The following METTL24 variants were observed in gnomAD, a reference collection of about 807,000 sequenced individuals.
METTL24 encodes methyltransferase like 24.
Under a neutral mutation model 32.7 loss-of-function variants are expected in METTL24, and 29 were observed. The observed-to-expected ratio is 0.89, with a 90% confidence interval of 0.66 to 1.21. The LOEUF (loss-of-function observed/expected upper bound fraction) is 1.21. METTL24 is among the 50% of genes most tolerant of loss of function. The pLI is 0.00. For missense variants in METTL24, 439 were observed against 468.1 expected, an observed-to-expected ratio of 0.94 and a Z score of 0.57; for synonymous variants, 163 against 179.5, an observed-to-expected ratio of 0.91 and a Z score of 0.73.
intron 1 of METTL24, among the ~76,000 whole-genome samples, chr6:110,326,884 C>G (rs900368399): frequency 6.6e-6 from 1 of 152,116 alleles, no homozygotes; most frequent in African/African-American, 2.4e-5. Flanking sequence ...GTCAGCCTCC[C>G]GGGGTGGAGC....
At chr6:110,291,536 A>T (rs1163011465) in intron 4 of METTL24, among the ~76,000 whole-genome samples, 1 of 152,158 alleles carries the variant, frequency 6.6e-6, no homozygotes, top group East Asian at 1.9e-4. Flanking sequence ...TTCATTGCAG[A>T]TTTTTAAAAA....
chr6:110,297,658 AC>A (rs1421284154), intron 4 of METTL24, among the ~76,000 whole-genome samples: 6 of 152,204 alleles, frequency 3.9e-5, no homozygotes, highest in Admixed American at 3.9e-4. Flanking sequence ...AAAGAAAAAA[AC>A]AAAACCCTAA....
At chr6:110,298,858 C>A in intron 4 of METTL24, 64 bp downstream of exon 4, 1 of 1,439,472 alleles carries the variant, frequency 6.9e-7, no homozygotes, top group Non-Finnish European at 9.6e-7. Context: ...TCTTGGTTTG[C>A]ATTTTAAAAA....
intron 1 of METTL24, among the ~76,000 whole-genome samples, chr6:110,329,463 A>C (rs1463869379): frequency 1.4e-5 from 2 of 146,864 alleles, no homozygotes; most frequent in Non-Finnish European, 3.0e-5. Context: ...TGGGCAGGAA[A>C]CAATGACTGA....
intron 1 of METTL24, among the ~76,000 whole-genome samples, chr6:110,335,563 A>ATTTTTT (rs1562241070): frequency 2.6e-5 from 3 of 113,634 alleles, no homozygotes; most frequent in Non-Finnish European, 1.7e-5. Flanking sequence ...GTAGGGAATC[A>ATTTTTT]TTGTTTTTTT....
chr6:110,302,147 G>T (rs1220849683), intron 3 of METTL24, among the ~76,000 whole-genome samples: 1 of 151,836 alleles, frequency 6.6e-6, no homozygotes, highest in Non-Finnish European at 1.5e-5. Context: ...GCGTGGTGGT[G>T]GGCGCCTGTA....
intron 2 of METTL24, among the ~76,000 whole-genome samples, chr6:110,317,180 T>C (rs570845869): frequency 2.0e-5 from 3 of 152,304 alleles, no homozygotes; most frequent in Admixed American, 2.0e-4. Context: ...CCACTATTTT[T>C]CTACTTCTCT....
chr6:110,319,418 GAGATAGAT>G (rs10659634), intron 2 of METTL24, among the ~76,000 whole-genome samples: 286 of 148,748 alleles, frequency 1.9e-3, no homozygotes, highest in South Asian at 9.6e-3. Context: ...TAGAGAGGTA[GAGATAGAT>G]AGATAGATAG....
At chr6:110,246,324 C>A in intron 4 of METTL24, 64 bp from the exon 5 acceptor site, 1 of 1,370,380 alleles carries the variant, frequency 7.3e-7, no homozygotes, top group Non-Finnish European at 9.9e-7. Flanking sequence ...TCAGGAGTTT[C>A]ACATTATAGC....
intron 4 of METTL24, among the ~76,000 whole-genome samples, chr6:110,290,761 G>A (rs1771304348): frequency 6.6e-6 from 1 of 152,096 alleles, no homozygotes; most frequent in Non-Finnish European, 1.5e-5. Context: ...GGATCAATTG[G>A]TAAATATATG....
chr6:110,262,276 A>G (rs1770748968), intron 4 of METTL24, among the ~76,000 whole-genome samples: 1 of 152,252 alleles, frequency 6.6e-6, no homozygotes. Context: ...AATAATTGAT[A>G]AAGGGGATAT....
chr6:110,304,141 C>T (rs537868827), intron 3 of METTL24, among the ~76,000 whole-genome samples: 14 of 152,152 alleles, frequency 9.2e-5, no homozygotes, highest in South Asian at 4.2e-4. Flanking sequence ...AAAGGAAGAC[C>T]GGGCAAAAAC....
chr6:110,327,424 G>C (rs1772035853), intron 1 of METTL24, among the ~76,000 whole-genome samples: 1 of 152,172 alleles, frequency 6.6e-6, no homozygotes, highest in Non-Finnish European at 1.5e-5. Context: ...TTCCAACTGA[G>C]TGTTGACCAC....
At chr6:110,299,711 C>T (rs920798288) in intron 3 of METTL24, among the ~76,000 whole-genome samples, 30 of 152,216 alleles carry the variant, frequency 2.0e-4, no homozygotes, top group African/African-American at 5.5e-4. Context: ...AAGAAGCAGA[C>T]GGTTTCCTCA....
In METTL24 at chr6:110,245,117, G is replaced by T. The variant is rs1365176764; in HGVS notation, c.*829C>A. On this transcript the variant is annotated 3_prime_UTR_variant, in exon 5 of 5. Transcript: ENST00000338882. ...ACATTATTCTAGGTGTATCTGTAAG[G>T]ATATTTCCAGATGAAATTAATATTT... Among the ~76,000 whole-genome samples, 1 of 152,134 alleles carries T rather than the reference G, an allele frequency of 6.6e-6. No individual in the cohort carries two copies.
chr6:110,323,557 G>A (rs1382472604), intron 1 of METTL24, among the ~76,000 whole-genome samples: 1 of 152,204 alleles, frequency 6.6e-6, no homozygotes, highest in East Asian at 1.9e-4. Flanking sequence ...GCAAGGATGG[G>A]TGGATGAAGG....
At chr6:110,320,398 C>T (rs137948881) in intron 2 of METTL24, among the ~76,000 whole-genome samples, 5 of 152,178 alleles carry the variant, frequency 3.3e-5, no homozygotes, top group East Asian at 1.9e-4. Context: ...GCATTACATA[C>T]GGAGGGGGAG....
At chr6:110,277,435 A>G (rs1771067076) in intron 4 of METTL24, among the ~76,000 whole-genome samples, 1 of 152,194 alleles carries the variant, frequency 6.6e-6, no homozygotes, top group African/African-American at 2.4e-5. Flanking sequence ...AGCAACTCTA[A>G]ACTTCATTTT....
intron 4 of METTL24, among the ~76,000 whole-genome samples, chr6:110,296,850 C>G (rs1415809982): frequency 6.6e-6 from 1 of 152,172 alleles, no homozygotes; most frequent in African/African-American, 2.4e-5. Context: ...TTACCACTGT[C>G]TGTACATACA....
Sources: gnomAD v4.1 joint callset for allele counts (sites outside exome capture counted in the v4.1 genomes callset) on GRCh38, gnomAD v4.1.1 for gene constraint, MANE v1.5 for transcripts, NCBI Gene and HGNC (gene_info 2026-07-23, HGNC 2026-07-21) for gene names.